The following SHPRH variants were observed in gnomAD, a reference collection of about 807,000 sequenced individuals.
SHPRH encodes the protein E3 ubiquitin-protein ligase SHPRH.
In SHPRH, 106 loss-of-function variants were observed where a neutral mutation model predicts 202.5. The observed-to-expected ratio is 0.52, with a 90% CI of 0.45 to 0.62. The LOEUF (loss-of-function observed/expected upper bound fraction) is 0.62. Ranked by LOEUF, SHPRH falls within the 20% of genes least tolerant of loss-of-function variation. The pLI, the probability that SHPRH is intolerant of heterozygous loss-of-function variation, is 0.00. For synonymous variants in SHPRH, 729 were observed against 686.0 expected (o/e 1.06, Z -0.98); for missense variants, 1,710 against 2,020.0 (o/e 0.85, Z 2.94).
chr6:145,952,349 C>T lies in SHPRH; in HGVS notation c.763G>A (p.Asp255Asn). ...TTTTTAAGTTTACTGTAAATATTAC[C>T]TGGAATAATAGAATTGTGTAACTTT... ...MEKLHNSIIP[D>N]VLEEDEDDPE... The change falls in exon 3 of 30, where the codon GAT (aspartate) becomes AAT (asparagine). Residue 255 changes from aspartate to asparagine, a missense_variant and splice_region_variant. Asp to Asn is a conservative substitution (Grantham distance 23). Around this residue, in one of 8 missense-constraint regions of SHPRH, gnomAD observed 459 missense variants for 426.5 expected, o/e 1.08. Coordinates refer to ENST00000275233, the MANE Select transcript of SHPRH (RefSeq NM_001042683.3). 1.3e-6 allele frequency: 2 copies of T among 1,590,688 alleles called. No individual in the cohort carries two copies. The highest frequency in any genetic ancestry group is 1.7e-6 in the Non-Finnish European group (2 of 1,169,088).
At chr6:145,912,285 T>C (rs926158170) in intron 24 of SHPRH, among the ~76,000 whole-genome samples, 5 of 152,056 alleles carry the variant, frequency 3.3e-5, no homozygotes, top group Non-Finnish European at 7.4e-5. Context: ...ATACGGCTAC[T>C]ATATATTGTA....
At chr6:145,893,492 A>G (rs925324806) in intron 27 of SHPRH, 99 bp from the exon 28 acceptor site, 17 of 1,104,822 alleles carry the variant, frequency 1.5e-5, no homozygotes, top group Non-Finnish European at 1.9e-5. Context: ...ATCTATTACT[A>G]TTGTGAAAGG....
intron 18 of SHPRH, 29 bp from the exon 19 acceptor site, chr6:145,922,865 T>G: frequency 6.5e-7 from 1 of 1,527,772 alleles, no homozygotes; most frequent in Non-Finnish European, 8.8e-7. Context: ...CCACACACAA[T>G]ACAAAGAAAA....
chr6:145,930,841 T>TGA (rs1227904346), intron 14 of SHPRH, among the ~76,000 whole-genome samples: 2 of 152,198 alleles, frequency 1.3e-5, no homozygotes, highest in African/African-American at 4.8e-5. Flanking sequence ...CGCACTTGTT[T>TGA]ATTTCTCGTT....
intron 20 of SHPRH, 36 bp from the exon 21 acceptor site, chr6:145,921,428 T>C (rs990863150): frequency 6.3e-7 from 1 of 1,588,368 alleles, no homozygotes; most frequent in Non-Finnish European, 8.6e-7. Context: ...CAGTAACTGG[T>C]ATCAGTGAGT....
downstream of SHPRH, among the ~76,000 whole-genome samples, chr6:145,879,878 C>G (rs927094353): frequency 7.5e-6 from 1 of 134,048 alleles, no homozygotes; most frequent in Non-Finnish European, 1.5e-5. Context: ...CACCATTGCA[C>G]TCCAGCCTGG....
At chr6:145,956,221 C>A (rs570591378) in intron 1 of SHPRH, among the ~76,000 whole-genome samples, 203 of 152,028 alleles carry the variant, frequency 1.3e-3, no homozygotes, top group Non-Finnish European at 2.3e-3. Context: ...ATCTCAGCAG[C>A]AAAGAATGGA....
Position 145,945,391 on chromosome 6 carries a change from G to T in SHPRH, c.1568C>A (p.Thr523Lys), listed in dbSNP as rs1257762626. The change falls in exon 8 of 30, where the codon ACA (threonine) becomes AAA (lysine). Residue 523 changes from threonine to lysine, a missense_variant. Thr to Lys is a moderately conservative substitution (Grantham distance 78). Around this residue, in one of 8 missense-constraint regions of SHPRH, gnomAD observed 348 missense variants for 356.9 expected, o/e 0.97. Transcript: ENST00000275233. ...CTTAAGCTCTGTTACCTGCTTTTTT[G>T]TTTTATCACATATATCCTCTTCCTT... ...NYKEEDICDK[T>K]KKQAVGSPRK... is the part of the protein sequence containing the mutation. The T allele has an allele frequency of 6.2e-7, 1 of 1,603,992 alleles. No individual in the cohort carries two copies. Among genetic ancestry groups the T allele is most frequent in the Admixed American group, 1.7e-5 (1 of 57,460 alleles).
In SHPRH at chr6:145,934,984, C is replaced by A. The variant is rs541209871; in HGVS notation, c.2913G>T (p.Leu971=). The A allele has an allele frequency of 6.2e-7, 1 of 1,614,010 alleles. No individual in the cohort carries two copies. Among genetic ancestry groups the A allele is most frequent in the Admixed American group, 1.7e-5 (1 of 60,010 alleles). Residue 971 remains leucine, a synonymous_variant, in exon 13 of 30, where the codon CTG becomes CTT. Transcript: ENST00000275233. ...CCTGTCTGAGCCTCAGCAATGGATA[C>A]AGGATAGAGGTGACAGTCCTTCTGT... ...SLDRRTVTSI[L]YPLLRLRQAC... is the part of the protein sequence containing the mutation.
chr6:145,867,120 T>C (rs1438576547), intron 2 of SHPRH, among the ~76,000 whole-genome samples: 1 of 152,132 alleles, frequency 6.6e-6, no homozygotes, highest in Admixed American at 6.5e-5. Context: ...AGGGGAAATA[T>C]TCTCTGCTAT....
rs2128786039 is a variant in SHPRH, at chr6:145,944,622, A to C, written c.1578+759T>G. ...TCACTGCTGTCTTCAGTGCTACCCA[A>C]GGATAATATAGACTCCCTACTCCAG... On this transcript the variant is annotated intron_variant, in intron 8 of 29. Transcript: ENST00000275233. 1.3e-5 allele frequency among the ~76,000 whole-genome samples: 2 copies of C among 152,038 alleles called. 1 individual carries two copies. The highest frequency in any genetic ancestry group is 3.9e-4 in the East Asian group (2 of 5,152).
chr6:145,943,003 T>C (rs1450013065), intron 9 of SHPRH, 140 bp downstream of exon 9: 1 of 1,008,936 alleles, frequency 9.9e-7, no homozygotes, highest in Non-Finnish European at 1.4e-6. Flanking sequence ...AATTTTTTTC[T>C]TTAAGCTTTG....
rs980866044 is a variant in SHPRH at position 145,941,710 on chromosome 6, A to G, written c.2403T>C (p.Tyr801=). 3.1e-6 allele frequency: 5 copies of G among 1,613,884 alleles called. No individual in the cohort carries two copies. The African/African-American group carries it at 6.7e-5, about 22-fold the overall frequency. ...DGRRLRNQKR[Y]MAIPSPLVAV... ...CTACCAGGGGGCTCGGGATAGCCAT[A>G]TAGCGCTTCTGGTTCCGTAGGCGAC... The change falls in exon 10 of 30, where the codon TAT becomes TAC. Residue 801 remains tyrosine, a synonymous_variant. Coordinates refer to ENST00000275233, the MANE Select transcript of SHPRH (RefSeq NM_001042683.3).
At chr6:145,959,966 C>A (rs1215598763) in intron 1 of SHPRH, among the ~76,000 whole-genome samples, 1 of 152,216 alleles carries the variant, frequency 6.6e-6, no homozygotes, top group Non-Finnish European at 1.5e-5. Context: ...GGTCACTCTG[C>A]AGGAACTTTA....
Position 145,932,041 on chromosome 6 carries a change from AT to A in SHPRH, c.3112+1015del, listed in dbSNP as rs199519322. On this transcript the variant is annotated intron_variant, in intron 14 of 29. Coordinates refer to ENST00000275233, the MANE Select transcript of SHPRH (RefSeq NM_001042683.3). ...TATTGCTATTCTATACTTTGACTTT[AT>A]TGATTTTTTTCTTAGGCGGTGTCTA... Among the ~76,000 whole-genome samples, 1,267 of 151,848 alleles carry A rather than the reference AT, an allele frequency of 8.3e-3. 11 individuals are homozygous for A. The highest frequency in any genetic ancestry group is 0.029 in the African/African-American group (1,201 of 41,390).
intron 24 of SHPRH, among the ~76,000 whole-genome samples, chr6:145,911,475 C>A (rs578171669): frequency 6.6e-6 from 1 of 152,202 alleles, no homozygotes; most frequent in South Asian, 2.1e-4. Flanking sequence ...ATAAAATAAT[C>A]CTCTCTGAAT....
intron 27 of SHPRH, among the ~76,000 whole-genome samples, chr6:145,893,820 C>CCTG (rs1781775642): frequency 6.6e-6 from 1 of 151,922 alleles, no homozygotes; most frequent in Non-Finnish European, 1.5e-5. Flanking sequence ...TGACCACATG[C>CCTG]AGTTCTGCCT....
chr6:145,941,157 G>A (rs1212237610), intron 10 of SHPRH, among the ~76,000 whole-genome samples: 2 of 152,060 alleles, frequency 1.3e-5, no homozygotes, highest in African/African-American at 4.8e-5. Flanking sequence ...GTTACAGACT[G>A]GCCAAAGACA....
intron 18 of SHPRH, 126 bp downstream of exon 18, chr6:145,923,517 G>T: frequency 8.7e-7 from 1 of 1,143,378 alleles, no homozygotes. Context: ...AAGTATGAAT[G>T]TGTCTGTATA....
Sources: allele counts gnomAD v4.1 joint callset (sites outside exome capture counted in the v4.1 genomes callset), GRCh38; gene constraint gnomAD v4.1.1; regional missense constraint gnomAD v4.1.1; transcripts MANE v1.5; gene names NCBI Gene and HGNC (gene_info 2026-07-23, HGNC 2026-07-21).